CCDC18: variants seen among roughly 807,000 people sequenced by gnomAD.
CCDC18 encodes the protein coiled-coil domain-containing protein 18.
CCDC18 carries 157 observed loss-of-function variants against 196.0 expected under a neutral mutation model. The ratio of observed to expected loss-of-function variants is 0.80; its 90% CI spans 0.70 to 0.91. The LOEUF is 0.91. Ranked by LOEUF, CCDC18 falls within the 40% of genes least tolerant of loss-of-function variation. The probability of loss-of-function intolerance (pLI) is 0.00; values close to 1 mark genes in which losing one functional copy is unlikely to be tolerated. For missense variants in CCDC18, 1,465 were observed against 1,611.6 expected (o/e 0.91, Z 1.56); for synonymous variants, 482 against 529.2 (o/e 0.91, Z 1.22).
chr1:93,181,365 C>T (rs1649650283), intron 1 of CCDC18, among the ~76,000 whole-genome samples: 1 of 151,958 alleles, frequency 6.6e-6, no homozygotes, highest in South Asian at 2.1e-4. Flanking sequence ...AACACTTGTC[C>T]TTCGTTTGAT....
chr1:93,243,280 T>C (rs900896033), intron 21 of CCDC18, among the ~76,000 whole-genome samples: 1 of 152,248 alleles, frequency 6.6e-6, no homozygotes, highest in African/African-American at 2.4e-5. Context: ...AGATTCAACA[T>C]TGGGTAGAAG....
chr1:93,228,171 A>G (rs554448631), intron 17 of CCDC18, among the ~76,000 whole-genome samples: 1 of 152,072 alleles, frequency 6.6e-6, no homozygotes, highest in East Asian at 1.9e-4. Context: ...TATTATAAGC[A>G]GGGACCCGCT....
chr1:93,249,023 A>G (rs1011148801), intron 23 of CCDC18, among the ~76,000 whole-genome samples: 1 of 150,804 alleles, frequency 6.6e-6, no homozygotes, highest in African/African-American at 2.4e-5. Flanking sequence ...TTTTTGAAAT[A>G]GTTTGAGTAG....
At position 93,236,409 on chromosome 1, in the gene CCDC18, T is replaced by C; in HGVS notation, c.2603+19T>C. 1 of 1,579,870 alleles carries C rather than the reference T, an allele frequency of 6.3e-7. No individual in the cohort carries two copies. The highest frequency in any genetic ancestry group is 2.0e-5 in the Admixed American group (1 of 50,400). ...CTGCCAGGTAAAATGTGAATATGTT[T>C]TATTTACCTTCCCACTTCAATATCA... On this transcript the variant is annotated intron_variant, in intron 19 of 28. Coordinates refer to ENST00000690025, the MANE Select transcript of CCDC18 (RefSeq NM_001378204.1).
chr1:93,210,774 T>G (rs2101985678), intron 9 of CCDC18, 28 bp from the exon 10 acceptor site: 1 of 1,535,716 alleles, frequency 6.5e-7, no homozygotes, highest in East Asian at 2.3e-5. Flanking sequence ...TTACATAAGT[T>G]TACATATGTT....
intron 6 of CCDC18, among the ~76,000 whole-genome samples, chr1:93,201,657 C>T (rs948782526): frequency 4.7e-4 from 66 of 140,330 alleles, no homozygotes; most frequent in African/African-American, 1.4e-3. Context: ...ATATATATTT[C>T]GACATTTATG....
intron 27 of CCDC18, 25 bp from the exon 28 acceptor site, chr1:93,270,322 C>T: frequency 7.3e-7 from 1 of 1,367,266 alleles, no homozygotes; most frequent in Non-Finnish European, 1.0e-6. Context: ...TATTGAGCAC[C>T]TACTATGTAC....
rs370786140 is a variant in CCDC18, at chr1:93,183,418, T to G, written c.57T>G (p.Leu19=). ...YNKDNEEESL[L]ANVASLRHEL... is the part of the protein sequence containing the mutation. ...AAGACAATGAAGAGGAAAGTTTGCT[T>G]GCAAATGTTGCTTCCTTAAGACATG... The change falls in exon 2 of 29, where the codon CTT becomes CTG. Residue 19 remains leucine, a synonymous_variant. Transcript: ENST00000690025. 260 of 1,606,496 alleles carry G rather than the reference T, an allele frequency of 1.6e-4. No homozygotes were observed. Among genetic ancestry groups the G allele is most frequent in the Non-Finnish European group, 2.0e-4 (237 of 1,175,078 alleles).
At chr1:93,181,334 C>CA (rs1649645830) in intron 1 of CCDC18, among the ~76,000 whole-genome samples, 1 of 151,482 alleles carries the variant, frequency 6.6e-6, no homozygotes, top group African/African-American at 2.4e-5. Flanking sequence ...CCCATTGTAT[C>CA]ACATACATAG....
chr1:93,183,897 C>T, intron 2 of CCDC18, 81 bp from the exon 3 acceptor site: 1 of 881,996 alleles, frequency 1.1e-6, no homozygotes, highest in Non-Finnish European at 1.6e-6. Flanking sequence ...TTCAGGTTTT[C>T]TATTTTCTTA....
Position 93,239,294 on chromosome 1 carries a change from A to G in CCDC18, c.2604-16A>G. ...AAGTTTCTAAATTACCTGTTTTATT[A>G]TTTGTTTTTAATTAGGCAAGTAAAG... On this transcript the variant is annotated splice_polypyrimidine_tract_variant and intron_variant, in intron 19 of 28. Coordinates refer to ENST00000690025, the MANE Select transcript of CCDC18 (RefSeq NM_001378204.1). 6.6e-7 allele frequency: 1 copy of G among 1,506,652 alleles called. No individual in the cohort carries two copies. The highest frequency in any genetic ancestry group is 8.9e-7 in the Non-Finnish European group (1 of 1,124,972). 93.3% of individuals were successfully genotyped at this position (1,506,652 alleles called of 1,614,324 possible). A position where few individuals can be genotyped will look rare whatever the true frequency, so the allele number is the denominator to read the frequency against.
intron 22 of CCDC18, 74 bp downstream of exon 22, chr1:93,246,278 A>G: frequency 1.0e-6 from 1 of 1,001,456 alleles, no homozygotes. Context: ...AGAGGTCACC[A>G]ATTTTTTGTA....
intron 28 of CCDC18, among the ~76,000 whole-genome samples, chr1:93,275,552 T>G (rs896194154): frequency 6.6e-6 from 1 of 152,200 alleles, no homozygotes; most frequent in South Asian, 2.1e-4. Flanking sequence ...TTAAACCAAA[T>G]AAATTATTAT....
upstream of CCDC18, chr1:93,179,989 G>T: frequency 9.2e-6 from 14 of 1,514,008 alleles, no homozygotes; most frequent in Non-Finnish European, 1.1e-5. Context: ...TTCTAAACGG[G>T]TGAGAGGCGA....
intron 21 of CCDC18, among the ~76,000 whole-genome samples, chr1:93,242,194 A>C (rs918674465): frequency 3.3e-5 from 5 of 152,236 alleles, no homozygotes; most frequent in African/African-American, 1.2e-4. Flanking sequence ...GTCCGTTTTC[A>C]TGCTGCTGAT....
intron 19 of CCDC18, 34 bp from the exon 20 acceptor site, chr1:93,239,276 T>C (rs201619983): frequency 6.2e-6 from 9 of 1,454,968 alleles, no homozygotes; most frequent in African/African-American, 1.4e-5. Context: ...GTTAAGTTTC[T>C]AAATTACCTG....
intron 23 of CCDC18, among the ~76,000 whole-genome samples, chr1:93,249,751 C>A (rs1007493716): frequency 2.6e-5 from 4 of 152,158 alleles, no homozygotes; most frequent in South Asian, 4.1e-4. Context: ...CTAAAAGCAT[C>A]ATTTTCAGTA....
At chr1:93,266,184 T>G (rs1313286134) in intron 27 of CCDC18, among the ~76,000 whole-genome samples, 1 of 152,186 alleles carries the variant, frequency 6.6e-6, no homozygotes, top group African/African-American at 2.4e-5. Flanking sequence ...AACCTCCTTC[T>G]GAATGACTAC....
At chr1:93,234,123 CTGTTT>C (rs938279510) in intron 18 of CCDC18, among the ~76,000 whole-genome samples, 5 of 151,082 alleles carry the variant, frequency 3.3e-5, no homozygotes, top group South Asian at 2.1e-4. Context: ...ATGGTTTTTT[CTGTTT>C]TGTTTTGTTT....
Sources: gnomAD v4.1 joint callset for allele counts (sites outside exome capture counted in the v4.1 genomes callset) on GRCh38, gnomAD v4.1.1 for gene constraint, MANE v1.5 for transcripts, NCBI Gene and HGNC (gene_info 2026-07-23, HGNC 2026-07-21) for gene names.